CCDC30: variants seen among roughly 807,000 people sequenced by gnomAD.
CCDC30 encodes the protein coiled-coil domain containing 30.
A neutral mutation model predicts 100.2 loss-of-function variants in CCDC30; 70 were observed. That is an observed-to-expected ratio of 0.70 (90% CI 0.58 to 0.85). CCDC30 has a LOEUF of 0.85. Ranked by LOEUF, CCDC30 falls within the 40% of genes least tolerant of loss-of-function variation. The pLI is 0.00. For synonymous variants in CCDC30, 233 were observed against 269.5 expected (o/e 0.86, Z 1.33); for missense variants, 652 against 771.2 (o/e 0.85, Z 1.83).
chr1:42,485,254 T>A (rs2148459821), intron 3 of CCDC30, among the ~76,000 whole-genome samples: 1 of 152,266 alleles, frequency 6.6e-6, no homozygotes, highest in Non-Finnish European at 1.5e-5. Flanking sequence ...AACATCTTCA[T>A]GATCTTGGGT....
chr1:42,459,598 T>C (rs1346930885), upstream of CCDC30: 1 of 1,610,406 alleles, frequency 6.2e-7, no homozygotes, highest in African/African-American at 1.3e-5. Flanking sequence ...CTTTTTCCAA[T>C]ACAGATAACA....
At chr1:42,462,838 G>A (rs1427461446), upstream of CCDC30, among the ~76,000 whole-genome samples, 1 of 152,126 alleles carries the variant, frequency 6.6e-6, no homozygotes, top group East Asian at 1.9e-4. Context: ...ACAATAATAA[G>A]CTGGATCCAA....
At chr1:42,642,303 A>G (rs988844285) in intron 12 of CCDC30, among the ~76,000 whole-genome samples, 170 bp from the exon 17 acceptor site, 4 of 152,010 alleles carry the variant, frequency 2.6e-5, no homozygotes, top group Non-Finnish European at 5.9e-5. Flanking sequence ...TTGAAAAACT[A>G]TTTAGCTACA....
chr1:42,475,105 G>A (rs915264424), intron 1 of CCDC30, among the ~76,000 whole-genome samples: 1 of 152,016 alleles, frequency 6.6e-6, no homozygotes, highest in Non-Finnish European at 1.5e-5. Flanking sequence ...AAATATTAGA[G>A]ATTGGGACTG....
intron 6 of CCDC30, among the ~76,000 whole-genome samples, chr1:42,561,540 C>A (rs1373628604): frequency 6.6e-6 from 1 of 152,104 alleles, no homozygotes; most frequent in Non-Finnish European, 1.5e-5. Context: ...CCTTTGAAAA[C>A]CAGTGCAAGA....
At chr1:42,456,596 C>A in the CCDC30 span, 1 of 1,509,220 alleles carries the variant, frequency 6.6e-7, no homozygotes. Context: ...AGCCGAGTTC[C>A]CCCAGCCTCC....
Position 42,600,772 on chromosome 1 carries a change from T to A in CCDC30, c.1165-10206T>A, listed in dbSNP as rs7548433. On this transcript the variant is annotated intron_variant, in intron 10 of 16. Transcript: ENST00000668663. ...GTCTCATGATAGAGTTCTCACAAGATCTGGTTGTTTGAAAGTGTATAACAT... is the reference window on the plus strand; with the variant it reads ...GTCTCATGATAGAGTTCTCACAAGAACTGGTTGTTTGAAAGTGTATAACAT... 9.5e-3 allele frequency among the ~76,000 whole-genome samples: 1,439 copies of A among 152,138 alleles called. 25 individuals carry two copies. The highest frequency in any genetic ancestry group is 0.033 in the African/African-American group (1,383 of 41,474).
downstream of CCDC30, among the ~76,000 whole-genome samples, chr1:42,655,898 G>A (rs1020144801): frequency 2.0e-3 from 249 of 123,246 alleles, no homozygotes; most frequent in Non-Finnish European, 2.9e-3. Flanking sequence ...TTTTGAGACA[G>A]GGTCTCACTT....
At chr1:42,646,092 T>A (rs1252064722) in intron 14 of CCDC30, 43 bp from the exon 19 acceptor site, 2 of 1,531,636 alleles carry the variant, frequency 1.3e-6, no homozygotes, top group African/African-American at 2.8e-5. Context: ...AACATCTTGA[T>A]ACCTATTGAA....
At chr1:42,608,431 G>A (rs1316638602) in intron 10 of CCDC30, among the ~76,000 whole-genome samples, 1 of 152,248 alleles carries the variant, frequency 6.6e-6, no homozygotes, top group Non-Finnish European at 1.5e-5. Context: ...GCCGGGCACT[G>A]TGGCTCACGC....
At chr1:42,584,617 A>C (rs1646032895) in intron 9 of CCDC30, among the ~76,000 whole-genome samples, 1 of 152,172 alleles carries the variant, frequency 6.6e-6, no homozygotes, top group African/African-American at 2.4e-5. Flanking sequence ...AAAAAAAGAA[A>C]GTTTCGCTGT....
exon 6 of CCDC30, chr1:42,498,876 A>G: frequency 8.1e-7 from 1 of 1,233,896 alleles, no homozygotes; most frequent in Non-Finnish European, 1.0e-6. Flanking sequence ...CTTGGAAACC[A>G]CTCCCCTGGA....
chr1:42,518,223 T>C (rs2148499706), intron 6 of CCDC30, among the ~76,000 whole-genome samples: 1 of 152,316 alleles, frequency 6.6e-6, no homozygotes, highest in African/African-American at 2.4e-5. Context: ...TTCTTTTTCA[T>C]GCTATTATAA....
chr1:42,589,266 T>G, intron 9 of CCDC30, 55 bp from the exon 14 acceptor site: 9 of 1,420,734 alleles, frequency 6.3e-6, no homozygotes, highest in Non-Finnish European at 8.6e-6. Flanking sequence ...AAATTTTAGG[T>G]CTGAATTTCA....
At chr1:42,497,013 T>C (rs1644242080) in intron 4 of CCDC30, 85 bp from the exon 5 acceptor site, 5 of 591,244 alleles carry the variant, frequency 8.5e-6, no homozygotes, top group African/African-American at 3.8e-5. Flanking sequence ...GCAGGCTAAA[T>C]AGCACTTCCT....
chr1:42,651,700 C>G (rs1249264775), intron 15 of CCDC30, among the ~76,000 whole-genome samples: 1 of 151,652 alleles, frequency 6.6e-6, no homozygotes, highest in Non-Finnish European at 1.5e-5. Flanking sequence ...CCTGTATCTA[C>G]AAAAAAAAAT....
chr1:42,656,999 C>T (rs183709827), downstream of CCDC30, among the ~76,000 whole-genome samples: 633 of 152,248 alleles, frequency 4.2e-3, 5 homozygotes, highest in African/African-American at 0.014. Flanking sequence ...CCCCTCCTCC[C>T]CTTTCTTCTT....
intron 10 of CCDC30, among the ~76,000 whole-genome samples, chr1:42,610,613 T>C (rs113695159): frequency 0.046 from 6,975 of 152,130 alleles, 499 homozygotes; most frequent in African/African-American, 0.15. Flanking sequence ...TTTGTAGATA[T>C]GGGGTTTTAC....
intron 6 of CCDC30, among the ~76,000 whole-genome samples, chr1:42,520,018 A>G (rs1326411822): frequency 6.6e-6 from 1 of 152,140 alleles, no homozygotes; most frequent in East Asian, 1.9e-4. Context: ...TAGTAAATAT[A>G]ATTAAAGATT....
Sources: allele counts gnomAD v4.1 joint callset (sites outside exome capture counted in the v4.1 genomes callset), GRCh38; gene constraint gnomAD v4.1.1; transcripts MANE v1.5; gene names NCBI Gene and HGNC (gene_info 2026-07-23, HGNC 2026-07-21).